Variants in ADAM2 observed in about 807,000 individuals in gnomAD.
ADAM2 encodes the protein disintegrin and metalloproteinase domain-containing protein 2.
A neutral mutation model predicts 99.3 loss-of-function variants in ADAM2; 101 were observed. The ratio of observed to expected loss-of-function variants is 1.02; its 90% confidence interval spans 0.87 to 1.20. The LOEUF is 1.20. ADAM2 is among the 50% of genes most tolerant of loss of function. ADAM2 has a pLI of 0.00. For synonymous variants in ADAM2, 323 were observed against 287.6 expected, an observed-to-expected ratio of 1.12 and a Z score of -1.25; for missense variants, 948 against 878.7, an observed-to-expected ratio of 1.08 and a Z score of -1.00.
At chr8:39,801,343 G>C (rs1014629493) in intron 7 of ADAM2, among the ~76,000 whole-genome samples, 1 of 152,108 alleles carries the variant, frequency 6.6e-6, no homozygotes, top group African/African-American at 2.4e-5. Context: ...CCTGTGCATG[G>C]AGATGTCACT....
intron 1 of ADAM2, 125 bp from the exon 2 acceptor site, chr8:39,837,337 A>G (rs1586175198): frequency 1.8e-6 from 1 of 563,280 alleles, no homozygotes; most frequent in Non-Finnish European, 2.9e-6. Context: ...TTATCTTCCC[A>G]TTTCTTTCTA....
At chr8:39,766,136 C>T (rs966682646) in intron 14 of ADAM2, among the ~76,000 whole-genome samples, 8 of 152,250 alleles carry the variant, frequency 5.3e-5, no homozygotes, top group Admixed American at 1.3e-4. Context: ...TGATTTTATG[C>T]ACCTGAATGT....
Position 39,753,110 on chromosome 8 carries a change from T to A in ADAM2, c.1797+2618A>T, listed in dbSNP as rs193168480. On this transcript the variant is annotated intron_variant, in intron 16 of 20. Transcript: ENST00000265708. ...GGGCTAAGAAGAAGACGGGAAAATGTGGGAAAGTTTGGAAGTTCCTAGAGA... is the reference window on the plus strand; with the variant it reads ...GGGCTAAGAAGAAGACGGGAAAATGAGGGAAAGTTTGGAAGTTCCTAGAGA... 4.0e-4 allele frequency among the ~76,000 whole-genome samples: 61 copies of A among 152,188 alleles called. No individual in the cohort carries two copies. In the East Asian group the frequency reaches 0.011, roughly 27 times the overall value.
chr8:39,766,885 C>T lies in ADAM2; in HGVS notation c.1470G>A (p.Met490Ile), dbSNP rs761554819. The change falls in exon 14 of 21, where the codon ATG becomes ATA. Residue 490 changes from methionine to isoleucine, a missense_variant. Transcript: ENST00000265708. ...TGTCTGTACATTGTTTATCCCCACT[C>T]ATACAAACTCCATCTATACAGATCC... ...NQWICIDGVCMSGDKQCTDTF... is the reference protein window; with the variant it reads ...NQWICIDGVCISGDKQCTDTF... 4.3e-6 allele frequency: 7 copies of T among 1,611,342 alleles called. No individual in the cohort carries two copies. The Admixed American group carries it at 6.7e-5, about 15-fold the overall frequency.
At chr8:39,831,869 TA>T (rs1199073808) in intron 3 of ADAM2, among the ~76,000 whole-genome samples, 2 of 152,142 alleles carry the variant, frequency 1.3e-5, no homozygotes, top group African/African-American at 2.4e-5. Flanking sequence ...ATTTTAAATA[TA>T]CATTTAAAAG....
intron 7 of ADAM2, among the ~76,000 whole-genome samples, chr8:39,791,840 A>G (rs758276647): frequency 1.6e-4 from 24 of 152,128 alleles, no homozygotes; most frequent in Non-Finnish European, 3.4e-4. Context: ...ATCTTTGACT[A>G]TATTGGTCAA....
At chr8:39,752,573 G>A (rs935491073) in intron 16 of ADAM2, among the ~76,000 whole-genome samples, 2 of 152,186 alleles carry the variant, frequency 1.3e-5, no homozygotes, top group Non-Finnish European at 2.9e-5. Flanking sequence ...ATCTCAGATG[G>A]AAAGAAGCAG....
intron 16 of ADAM2, among the ~76,000 whole-genome samples, chr8:39,750,963 T>A (rs1410793412): frequency 2.0e-5 from 3 of 152,170 alleles, no homozygotes; most frequent in Non-Finnish European, 2.9e-5. Flanking sequence ...TGCTAAAGAA[T>A]ATTGGCAATA....
At chr8:39,805,909 A>C (rs1804416573) in intron 7 of ADAM2, among the ~76,000 whole-genome samples, 1 of 152,230 alleles carries the variant, frequency 6.6e-6, no homozygotes, top group Admixed American at 6.5e-5. Flanking sequence ...ACAATGCAAC[A>C]GCCAAAATGG....
At chr8:39,747,923 C>G (rs1823540720) in intron 18 of ADAM2, among the ~76,000 whole-genome samples, 1 of 152,120 alleles carries the variant, frequency 6.6e-6, no homozygotes, top group Non-Finnish European at 1.5e-5. Flanking sequence ...CATGCACTAT[C>G]CAATTTCAAA....
chr8:39,823,724 CAT>C (rs1805289842), intron 4 of ADAM2, among the ~76,000 whole-genome samples: 2 of 151,970 alleles, frequency 1.3e-5, no homozygotes, highest in South Asian at 4.2e-4. Flanking sequence ...CGCACACACA[CAT>C]ATGTATGTGT....
chr8:39,826,600 G>A (rs1805411344), intron 3 of ADAM2, among the ~76,000 whole-genome samples: 1 of 151,904 alleles, frequency 6.6e-6, no homozygotes, highest in South Asian at 2.1e-4. Context: ...GTGGGCGCCT[G>A]TAGTCCCAGC....
intron 11 of ADAM2, among the ~76,000 whole-genome samples, chr8:39,770,906 C>T (rs1802754252): frequency 6.6e-6 from 1 of 152,202 alleles, no homozygotes; most frequent in Non-Finnish European, 1.5e-5. Flanking sequence ...TCTTTCACTA[C>T]AGATTAATGC....
At chr8:39,777,524 A>G (rs1325399396) in intron 10 of ADAM2, among the ~76,000 whole-genome samples, 3 of 152,102 alleles carry the variant, frequency 2.0e-5, no homozygotes, top group Non-Finnish European at 4.4e-5. Context: ...GGTCATTACC[A>G]GAGGCTGGGA....
chr8:39,835,681 C>CAAA (rs34604322), intron 2 of ADAM2, among the ~76,000 whole-genome samples: 33 of 129,408 alleles, frequency 2.6e-4, no homozygotes, highest in South Asian at 1.9e-3. Context: ...GACTCCGTCT[C>CAAA]AAAAAAAAAA....
intron 3 of ADAM2, 29 bp from the exon 4 acceptor site, chr8:39,824,926 T>C (rs370117898): frequency 5.0e-6 from 5 of 1,004,318 alleles, no homozygotes; most frequent in African/African-American, 4.9e-5. Context: ...ATGGAAAAAT[T>C]TGATTCTTAA....
rs1275872364 is a variant in ADAM2 at position 39,767,259 on chromosome 8, G to A, written c.1213-8C>T. ...TCCAATAAGGGCACAATCCTGTAAG[G>A]CAAATCAAATGCTCTGAAGTATTTT... On this transcript the variant is annotated splice_polypyrimidine_tract_variant and splice_region_variant and intron_variant, in intron 12 of 20. Coordinates refer to ENST00000265708, the MANE Select transcript of ADAM2 (RefSeq NM_001464.5). 2 of 1,592,278 alleles carry A rather than the reference G, an allele frequency of 1.3e-6. No individual in the cohort carries two copies. The highest frequency in any genetic ancestry group is 3.6e-5 in the Admixed American group (2 of 55,720).
chr8:39,744,440 C>G (rs1055628617), intron 20 of ADAM2, among the ~76,000 whole-genome samples: 1 of 151,764 alleles, frequency 6.6e-6, no homozygotes, highest in Non-Finnish European at 1.5e-5. Context: ...TCCCCCCAAC[C>G]CCCCCATCCT....
chr8:39,748,917 C>T (rs1823586399), intron 18 of ADAM2, among the ~76,000 whole-genome samples: 1 of 152,086 alleles, frequency 6.6e-6, no homozygotes, highest in Admixed American at 6.6e-5. Flanking sequence ...TGCTAAATGG[C>T]CCAGAATCTG....
Sources: gnomAD v4.1 joint callset for allele counts (sites outside exome capture counted in the v4.1 genomes callset) on GRCh38, gnomAD v4.1.1 for gene constraint, MANE v1.5 for transcripts, NCBI Gene and HGNC (gene_info 2026-07-23, HGNC 2026-07-21) for gene names.